RABGAP1L: variants seen among roughly 807,000 people sequenced by gnomAD.
The protein encoded by RABGAP1L is rab GTPase-activating protein 1-like.
In RABGAP1L, 63 loss-of-function variants were observed where a neutral mutation model predicts 137.7. The observed-to-expected ratio is 0.46, with a 90% confidence interval of 0.37 to 0.56. The LOEUF is 0.56. RABGAP1L is among the 20% of genes least tolerant of loss of function. RABGAP1L has a pLI of 0.00. For synonymous variants in RABGAP1L, 431 were observed against 433.7 expected, an observed-to-expected ratio of 0.99 and a Z score of 0.08; for missense variants, 1,095 against 1,244.0, an observed-to-expected ratio of 0.88 and a Z score of 1.80.
chr1:174,610,755 T>A (rs1305152508), intron 13 of RABGAP1L, among the ~76,000 whole-genome samples: 1 of 152,252 alleles, frequency 6.6e-6, no homozygotes, highest in Non-Finnish European at 1.5e-5. Flanking sequence ...TTCTAACTGG[T>A]GTGAGATAGT....
chr1:174,873,758 C>T (rs993796057), intron 19 of RABGAP1L, among the ~76,000 whole-genome samples: 1 of 152,116 alleles, frequency 6.6e-6, no homozygotes, highest in Non-Finnish European at 1.5e-5. Context: ...ATCCACGCAC[C>T]TCGTCCTCCT....
At chr1:174,527,841 A>G (rs1189403495) in intron 13 of RABGAP1L, among the ~76,000 whole-genome samples, 1 of 151,232 alleles carries the variant, frequency 6.6e-6, no homozygotes, top group African/African-American at 2.4e-5. Context: ...TAATATATTT[A>G]GAACCATTAT....
rs181524745 is a variant in RABGAP1L, at chr1:174,842,163, C to T, written c.2340+30203C>T. Among the ~76,000 whole-genome samples, 33 of 152,216 alleles carry T rather than the reference C, an allele frequency of 2.2e-4. 1 individual carries two copies. In the East Asian group the frequency reaches 6.2e-3, roughly 28 times the overall value. ...TTCAAAGACATGCTTACAAATTTTC[C>T]ACTTAGTCCATTTTTCTGTTCTTAG... On this transcript the variant is annotated intron_variant, in intron 19 of 25. Transcript: ENST00000681986.
chr1:174,816,163 T>TTTG, intron 19 of RABGAP1L, among the ~76,000 whole-genome samples: 1 of 148,688 alleles, frequency 6.7e-6, no homozygotes, highest in East Asian at 2.0e-4. Context: ...TTTTTTTTTT[T>TTTG]TTTTTTGAGA....
intron 7 of RABGAP1L, among the ~76,000 whole-genome samples, chr1:174,268,937 T>G (rs1440588802): frequency 1.3e-5 from 2 of 152,128 alleles, no homozygotes; most frequent in African/African-American, 4.8e-5. Flanking sequence ...TTCTTTTTCT[T>G]TTTTTTCTGA....
At chr1:174,739,282 T>C (rs898847299) in intron 17 of RABGAP1L, among the ~76,000 whole-genome samples, 14 of 152,216 alleles carry the variant, frequency 9.2e-5, no homozygotes, top group South Asian at 8.3e-4. Flanking sequence ...CCATAAAAGC[T>C]AATTACTAAT....
chr1:174,934,193 A>G lies in RABGAP1L; in HGVS notation c.2341-23264A>G, dbSNP rs144085605. The stretch of plus-strand genomic sequence containing the variant: ...AACCTCCACCTCCTGGGTTCAAGCA[A>G]TTCTCCTGCCTCAGCCTCCCAAGTA... On this transcript the variant is annotated intron_variant, in intron 19 of 25. Transcript: ENST00000681986. 5.6e-3 allele frequency among the ~76,000 whole-genome samples: 851 copies of G among 152,030 alleles called. 8 individuals are homozygous for G. Among genetic ancestry groups the G allele is most frequent in the African/African-American group, 0.02 (810 of 41,480 alleles).
chr1:174,523,145 A>C (rs1448104883), intron 13 of RABGAP1L, among the ~76,000 whole-genome samples: 3 of 152,218 alleles, frequency 2.0e-5, no homozygotes, highest in African/African-American at 7.2e-5. Context: ...TGCCAAATTT[A>C]AGAAGTCCAA....
intron 3 of RABGAP1L, among the ~76,000 whole-genome samples, chr1:174,229,961 A>G (rs1396353614): frequency 6.6e-6 from 1 of 152,152 alleles, no homozygotes; most frequent in Admixed American, 6.5e-5. Flanking sequence ...TCACCATTCT[A>G]ACTGGTGTGA....
At chr1:174,387,817 CTG>C in intron 12 of RABGAP1L, among the ~76,000 whole-genome samples, 1 of 152,120 alleles carries the variant, frequency 6.6e-6, no homozygotes, top group East Asian at 1.9e-4. Context: ...TCTGAGGGAA[CTG>C]TTTTAAAAAA....
intron 18 of RABGAP1L, among the ~76,000 whole-genome samples, chr1:174,781,170 G>T (rs1686972589): frequency 6.6e-6 from 1 of 152,136 alleles, no homozygotes; most frequent in African/African-American, 2.4e-5. Flanking sequence ...GGTTGAACTA[G>T]TTTACAGTCC....
chr1:174,698,597 A>G (rs1679424678), intron 15 of RABGAP1L, among the ~76,000 whole-genome samples: 2 of 152,178 alleles, frequency 1.3e-5, no homozygotes, highest in African/African-American at 4.8e-5. Context: ...AAAAATTAGG[A>G]ACATCTCAAG....
rs67709003 is a variant in RABGAP1L, at chr1:174,577,210, TACACACACACACACACACAC to T, written c.1711-60129_1711-60110del. ...GACCCTGTCTGTTAGGGGGAAAAAA[TACACACACACACACACACAC>T]ACACACACACACACACACACACACA... On this transcript the variant is annotated intron_variant, in intron 13 of 25. Coordinates refer to ENST00000681986, the MANE Select transcript of RABGAP1L (RefSeq NM_001366446.1). 4.7e-3 allele frequency among the ~76,000 whole-genome samples: 595 copies of T among 127,072 alleles called. 3 individuals carry two copies. The highest frequency in any genetic ancestry group is 0.031 in the South Asian group (115 of 3,658). 83.4% of individuals were successfully genotyped at this position (127,072 alleles called of 152,430 possible). A position where few individuals can be genotyped will look rare whatever the true frequency, so the allele number is the denominator to read the frequency against.
intron 13 of RABGAP1L, among the ~76,000 whole-genome samples, chr1:174,544,111 C>T (rs1016473944): frequency 2.0e-5 from 3 of 152,116 alleles, no homozygotes; most frequent in African/African-American, 7.2e-5. Flanking sequence ...TTGTGGCGTT[C>T]TCTGTATTTC....
intron 13 of RABGAP1L, among the ~76,000 whole-genome samples, chr1:174,582,396 A>G (rs573498375): frequency 2.0e-5 from 3 of 152,262 alleles, no homozygotes; most frequent in African/African-American, 7.2e-5. Flanking sequence ...AAGAGATGAG[A>G]TGAAAATCAG....
chr1:174,509,644 C>G (rs1281260422), intron 13 of RABGAP1L, among the ~76,000 whole-genome samples: 1 of 152,132 alleles, frequency 6.6e-6, no homozygotes, highest in Non-Finnish European at 1.5e-5. Context: ...TGCAGTGATT[C>G]CCAAACATAT....
At chr1:174,694,490 A>G (rs1228857594) in intron 15 of RABGAP1L, among the ~76,000 whole-genome samples, 15 of 151,822 alleles carry the variant, frequency 9.9e-5, no homozygotes, top group South Asian at 4.2e-4. Context: ...GAGAATGATG[A>G]TTTCCAATTT....
chr1:174,427,124 A>T (rs562833573), intron 13 of RABGAP1L, among the ~76,000 whole-genome samples: 1 of 148,566 alleles, frequency 6.7e-6, no homozygotes, highest in Middle Eastern at 3.4e-3. Flanking sequence ...CCTCTGTTTA[A>T]CATAAACCTC....
rs937696388 is a variant in RABGAP1L, at chr1:174,665,928, G to T, written c.1825-17594G>T. Reference sequence around the variant, plus strand: ...TAACAGGTAGAGAAATTAATGCAAAGAATTCTTTGAAAGCCACTTGTATTC... The same window carrying T: ...TAACAGGTAGAGAAATTAATGCAAATAATTCTTTGAAAGCCACTTGTATTC... On this transcript the variant is annotated intron_variant, in intron 14 of 25. Transcript: ENST00000681986. 5.3e-5 allele frequency among the ~76,000 whole-genome samples: 8 copies of T among 152,316 alleles called. No homozygotes were observed. The South Asian group carries it at 6.2e-4, about 12-fold the overall frequency.
Sources: gnomAD v4.1 joint callset for allele counts (sites outside exome capture counted in the v4.1 genomes callset) on GRCh38, gnomAD v4.1.1 for gene constraint, MANE v1.5 for transcripts, NCBI Gene and HGNC (gene_info 2026-07-23, HGNC 2026-07-21) for gene names.